The following FILIP1L variants were observed in gnomAD, a reference collection of about 807,000 sequenced individuals.
FILIP1L encodes filamin A-interacting protein 1-like.
A neutral mutation model predicts 96.6 loss-of-function variants in FILIP1L; 55 were observed. The observed-to-expected ratio is 0.57, with a 90% CI of 0.46 to 0.71. The LOEUF is 0.71. Among genes scored for constraint, FILIP1L ranks in the 30% least tolerant of loss-of-function variants. The probability of loss-of-function intolerance (pLI) is 0.00; values close to 1 mark genes in which losing one functional copy is unlikely to be tolerated. For missense variants in FILIP1L, 1,304 were observed against 1,321.2 expected, an observed-to-expected ratio of 0.99 and a Z score of 0.20; for synonymous variants, 467 against 473.9, an observed-to-expected ratio of 0.99 and a Z score of 0.19.
At chr3:99,937,281 C>T (rs1282766155) in intron 1 of FILIP1L, among the ~76,000 whole-genome samples, 1 of 152,204 alleles carries the variant, frequency 6.6e-6, no homozygotes, top group Non-Finnish European at 1.5e-5. Context: ...TTGTTGAATT[C>T]TGAGTATCCA....
chr3:99,947,134 T>C (rs556690170), intron 1 of FILIP1L, among the ~76,000 whole-genome samples: 89 of 55,180 alleles, frequency 1.6e-3, no homozygotes, highest in African/African-American at 9.5e-3. Context: ...CAAGACTCTG[T>C]CTCAAAAAAA....
intron 1 of FILIP1L, among the ~76,000 whole-genome samples, chr3:100,054,940 C>A (rs949565197): frequency 6.6e-6 from 1 of 152,198 alleles, no homozygotes; most frequent in Non-Finnish European, 1.5e-5. Flanking sequence ...CAACATAGTT[C>A]CTTCCAGAAA....
chr3:100,040,825 G>A (rs2065192463), intron 1 of FILIP1L: 1 of 152,190 alleles, frequency 6.6e-6, no homozygotes, highest in Non-Finnish European at 1.5e-5. Flanking sequence ...GATCATTAGG[G>A]CTGCAAAGGG....
intron 4 of FILIP1L, among the ~76,000 whole-genome samples, chr3:99,865,293 G>A (rs553624853): frequency 6.6e-6 from 1 of 152,178 alleles, no homozygotes; most frequent in African/African-American, 2.4e-5. Flanking sequence ...CAGAATGCCA[G>A]TGTAGTTTTT....
intron 4 of FILIP1L, among the ~76,000 whole-genome samples, chr3:99,865,724 TTC>T (rs1463662270): frequency 1.3e-5 from 2 of 152,004 alleles, no homozygotes; most frequent in Non-Finnish European, 2.9e-5. Context: ...AGGCAGCCAT[TTC>T]TCTGACAGAC....
Position 99,930,909 on chromosome 3 carries a change from T to C in FILIP1L, c.112A>G (p.Lys38Glu). The C allele has an allele frequency of 6.2e-7, 1 of 1,613,652 alleles. No homozygotes were observed. The highest frequency in any genetic ancestry group is 2.2e-5 in the East Asian group (1 of 44,828). Residue 38 changes from lysine to glutamate, a missense_variant, in exon 2 of 6, where the codon AAA becomes GAA. By Grantham distance (56) the Lys-to-Glu change is moderately conservative (BLOSUM62 1). Coordinates refer to ENST00000477258, the MANE Select transcript of FILIP1L (RefSeq NM_001387850.1). ...ACATCCGACTCACTGGGGGAGTCTT[T>C]GTCTTGCTGTCTATGCTTCATGTTT... ...PKNMKHRQQD[K>E]DSPSESDVIL...
chr3:99,939,534 T>C (rs1189739331), intron 1 of FILIP1L, among the ~76,000 whole-genome samples: 3 of 152,236 alleles, frequency 2.0e-5, no homozygotes, highest in Admixed American at 1.3e-4. Flanking sequence ...CTTAAAGATA[T>C]GCATGGAATT....
At chr3:99,835,371 G>A (rs1275720302) in intron 5 of FILIP1L, among the ~76,000 whole-genome samples, 1 of 152,166 alleles carries the variant, frequency 6.6e-6, no homozygotes, top group Non-Finnish European at 1.5e-5. Flanking sequence ...AAATGCAGTA[G>A]TTCTTTTAGA....
intron 1 of FILIP1L, among the ~76,000 whole-genome samples, chr3:99,954,990 C>G (rs77226851): frequency 0.097 from 14,726 of 152,272 alleles, 851 homozygotes; most frequent in African/African-American, 0.16. Context: ...ATTCTCCTCT[C>G]ATCTGTTTTG....
chr3:100,085,177 T>C (rs2065988384), intron 1 of FILIP1L, among the ~76,000 whole-genome samples: 1 of 152,206 alleles, frequency 6.6e-6, no homozygotes, highest in African/African-American at 2.4e-5. Flanking sequence ...ATGGAATTGT[T>C]TTAAAAGTAT....
rs567311530 is a variant in FILIP1L, at chr3:99,976,442, A to AC, written c.-10-45413dup. Among the ~76,000 whole-genome samples, 36 of 152,218 alleles carry AC rather than the reference A, an allele frequency of 2.4e-4. No homozygotes were observed. In the South Asian group the frequency reaches 6.2e-3, roughly 26 times the overall value. On this transcript the variant is annotated intron_variant, in intron 1 of 5. Transcript: ENST00000477258. Reference sequence around the variant, plus strand: ...AGATATCATGAACTTAGAAACAGTAACCCCCCAAGAGAATTGCAGCCAAAC... The same window carrying AC: ...AGATATCATGAACTTAGAAACAGTAACCCCCCCAAGAGAATTGCAGCCAAAC...
chr3:99,884,075 A>G (rs775973627), intron 4 of FILIP1L, among the ~76,000 whole-genome samples: 6 of 152,130 alleles, frequency 3.9e-5, no homozygotes, highest in Non-Finnish European at 5.9e-5. Flanking sequence ...GTGAGAATGG[A>G]TCTTGGAGAT....
chr3:99,973,745 C>G lies in FILIP1L; in HGVS notation c.-10-42715G>C, dbSNP rs565115464. 3.3e-5 allele frequency among the ~76,000 whole-genome samples: 5 copies of G among 152,144 alleles called. No homozygotes were observed. In the East Asian group the frequency reaches 9.7e-4, roughly 29 times the overall value. On this transcript the variant is annotated intron_variant, in intron 1 of 5. Coordinates refer to ENST00000477258, the MANE Select transcript of FILIP1L (RefSeq NM_001387850.1). ...ACCTATTTAAGCTCACTTTTTTCCC[C>G]CAGTTTGGGTAGCTTTATAATGAAG... is the stretch of plus-strand genomic sequence containing the variant.
intron 1 of FILIP1L, among the ~76,000 whole-genome samples, chr3:100,105,554 C>T (rs541280913): frequency 5.9e-5 from 9 of 152,188 alleles, no homozygotes; most frequent in Non-Finnish European, 1.3e-4. Flanking sequence ...TAAGATTAAC[C>T]GAAAACATAG....
intron 4 of FILIP1L, among the ~76,000 whole-genome samples, chr3:99,886,541 C>T (rs548217496): frequency 1.5e-3 from 234 of 152,182 alleles, no homozygotes; most frequent in Middle Eastern, 3.4e-3. Flanking sequence ...GTTTGGTGTA[C>T]AGCACATTCC....
At chr3:100,024,081 C>G (rs970431455) in intron 1 of FILIP1L, among the ~76,000 whole-genome samples, 13 of 152,146 alleles carry the variant, frequency 8.5e-5, no homozygotes, top group African/African-American at 3.1e-4. Flanking sequence ...CTTCCTCCCA[C>G]AACTCTAACT....
chr3:100,102,675 T>C (rs1156827837), intron 1 of FILIP1L, among the ~76,000 whole-genome samples: 1 of 152,208 alleles, frequency 6.6e-6, no homozygotes, highest in Non-Finnish European at 1.5e-5. Flanking sequence ...TTGCATTCAG[T>C]AGTTACTCCG....
intron 1 of FILIP1L, among the ~76,000 whole-genome samples, chr3:99,976,689 C>T (rs1300262386): frequency 6.6e-6 from 1 of 151,974 alleles, no homozygotes; most frequent in Non-Finnish European, 1.5e-5. Context: ...TTTTAGTTTT[C>T]AGTAGTTTCA....
At chr3:99,876,678 T>A (rs1465177753) in intron 4 of FILIP1L, among the ~76,000 whole-genome samples, 1 of 152,114 alleles carries the variant, frequency 6.6e-6, no homozygotes, top group Non-Finnish European at 1.5e-5. Context: ...TTGTAATGAG[T>A]AGGGGTCCTC....
Sources: allele counts gnomAD v4.1 joint callset (sites outside exome capture counted in the v4.1 genomes callset), GRCh38; gene constraint gnomAD v4.1.1; transcripts MANE v1.5; gene names NCBI Gene and HGNC (gene_info 2026-07-23, HGNC 2026-07-21).